The following LPA variants were observed in gnomAD, a reference collection of about 807,000 sequenced individuals.
The protein encoded by LPA is lipoprotein(a).
In LPA, 199 loss-of-function variants were observed where a neutral mutation model predicts 197.9. The ratio of observed to expected loss-of-function variants is 1.01; its 90% CI spans 0.90 to 1.13. The LOEUF is 1.13. Among genes scored for constraint, LPA ranks in the 50% most tolerant of loss-of-function variants. LPA has a pLI of 0.00. For synonymous variants in LPA, 715 were observed against 639.5 expected (o/e 1.12, Z -1.78); for missense variants, 1,853 against 1,785.8 (o/e 1.04, Z -0.68).
At chr6:160,539,282 CT>C (rs1244078823) in intron 36 of LPA, among the ~76,000 whole-genome samples, 1 of 152,180 alleles carries the variant, frequency 6.6e-6, no homozygotes, top group African/African-American at 2.4e-5. Flanking sequence ...TGTTTCTTAG[CT>C]GATTGTACTG....
At chr6:160,592,917 G>A (rs968272250) in intron 22 of LPA, among the ~76,000 whole-genome samples, 1 of 152,176 alleles carries the variant, frequency 6.6e-6, no homozygotes, top group Non-Finnish European at 1.5e-5. Flanking sequence ...GTGAGCTCTA[G>A]CATCTCCATT....
rs958053962 is a variant in LPA at position 160,574,868 on chromosome 6, G to A, written c.4631+2268C>T. On this transcript the variant is annotated intron_variant, in intron 28 of 38. Coordinates refer to ENST00000316300, the MANE Select transcript of LPA (RefSeq NM_005577.4). The stretch of plus-strand genomic sequence containing the variant: ...TATGGGGCTAAAATTCACAATATGA[G>A]CCTCTGCATGCTGCTCTGTCCAGAG... Among the ~76,000 whole-genome samples, 15 of 152,250 alleles carry A rather than the reference G, an allele frequency of 9.9e-5. No individual in the cohort carries two copies. In the East Asian group the frequency reaches 2.9e-3, roughly 29 times the overall value.
intron 28 of LPA, among the ~76,000 whole-genome samples, chr6:160,565,277 G>A (rs540229540): frequency 2.0e-5 from 3 of 152,208 alleles, no homozygotes; most frequent in Admixed American, 6.5e-5. Context: ...CCTCCCAGTA[G>A]GGGCCAACTG....
intron 16 of LPA, among the ~76,000 whole-genome samples, chr6:160,610,449 T>A (rs1779471360): frequency 6.6e-6 from 1 of 152,184 alleles, no homozygotes; most frequent in Non-Finnish European, 1.5e-5. Flanking sequence ...CTCTCTCATC[T>A]AGCTGGTAAG....
intron 2 of LPA, among the ~76,000 whole-genome samples, chr6:160,648,152 G>A (rs759904027): frequency 2.1e-4 from 32 of 152,088 alleles, no homozygotes; most frequent in Non-Finnish European, 4.4e-4. Flanking sequence ...TTACTTTAAT[G>A]TTATTCTTTT....
At chr6:160,595,832 T>G (rs140129972) in intron 20 of LPA, among the ~76,000 whole-genome samples, 1 of 152,314 alleles carries the variant, frequency 6.6e-6, no homozygotes, top group African/African-American at 2.4e-5. Flanking sequence ...TTGTACAACT[T>G]CAATTGTACT....
chr6:160,653,974 AAT>A lies in LPA; in HGVS notation c.50-3479_50-3478del, dbSNP rs1457288145. ...ATTATATATAATATATATTATATATAATATATAATATATAATATATATTATAT... is the reference window on the plus strand; with the variant it reads ...ATTATATATAATATATATTATATATAATATAATATATAATATATATTATAT... On this transcript the variant is annotated intron_variant, in intron 1 of 38. Coordinates refer to ENST00000316300, the MANE Select transcript of LPA (RefSeq NM_005577.4). 3.7e-4 allele frequency among the ~76,000 whole-genome samples: 6 copies of A among 16,360 alleles called. 1 individual carries two copies. The highest frequency in any genetic ancestry group is 2.7e-3 in the Admixed American group (2 of 748). 10.7% of individuals were successfully genotyped at this position (16,360 alleles called of 152,430 possible).
chr6:160,658,768 A>G (rs1397383075), intron 1 of LPA, among the ~76,000 whole-genome samples: 1 of 152,016 alleles, frequency 6.6e-6, no homozygotes, highest in South Asian at 2.1e-4. Flanking sequence ...AAGTCCCAAA[A>G]CCAATGAAAG....
intron 28 of LPA, among the ~76,000 whole-genome samples, chr6:160,563,153 G>GA (rs2115017166): frequency 1.3e-5 from 2 of 152,252 alleles, no homozygotes; most frequent in East Asian, 3.9e-4. Flanking sequence ...TTTGAATTGT[G>GA]ATGTTAGGGT....
intron 28 of LPA, 104 bp downstream of exon 28, chr6:160,577,032 G>A: frequency 7.0e-7 from 1 of 1,437,856 alleles, no homozygotes; most frequent in South Asian, 1.2e-5. Context: ...CAAAATGTGA[G>A]TCTAAGAGAA....
chr6:160,538,024 C>G, intron 36 of LPA, 63 bp from the exon 37 acceptor site: 1 of 1,413,884 alleles, frequency 7.1e-7, no homozygotes, highest in South Asian at 1.2e-5. Flanking sequence ...TACCTACAAC[C>G]AGGCATCCCT....
chr6:160,647,851 A>C (rs1779929108), intron 2 of LPA, among the ~76,000 whole-genome samples: 1 of 152,242 alleles, frequency 6.6e-6, no homozygotes, highest in African/African-American at 2.4e-5. Context: ...ATTTAAAAAG[A>C]TATAAACGTT....
At chr6:160,654,012 T>A (rs866273419) in intron 1 of LPA, among the ~76,000 whole-genome samples, 242 of 3,734 alleles carry the variant, frequency 0.065, 23 homozygotes, top group African/African-American at 0.098. Flanking sequence ...ATAATATATA[T>A]TATATATAAT....
At position 160,553,935 on chromosome 6, in the gene LPA, C is replaced by CTGTGTG. The variant is rs1294838247; in HGVS notation, c.4973+2089_4973+2090insCACACA. Among the ~76,000 whole-genome samples the CTGTGTG allele has an allele frequency of 4.6e-3, 329 of 70,928 alleles. 1 individual carries two copies. Among genetic ancestry groups the CTGTGTG allele is most frequent in the African/African-American group, 0.012 (310 of 25,734 alleles). The allele number at this position is 70,928 out of a possible 152,430, so 46.5% of individuals were successfully genotyped here. A position where few individuals can be genotyped will look rare whatever the true frequency, so the allele number is the denominator to read the frequency against. On this transcript the variant is annotated intron_variant, in intron 30 of 38. Transcript: ENST00000316300. ...TCTCTCTCTTTCTCTCTCTCTCTCT[C>CTGTGTG]TCTGTGTGTGTGTGTGTGTGCGCGC...
chr6:160,542,711 G>C lies in LPA; in HGVS notation c.5496C>G (p.Pro1832=). ...GGCVAHPHSW[P]WQVSLRTRFG... ...ACCTTGTTCTGAGACTGACTTGCCAGGGCCAGGAATGTGGGTGGGCCACAC... is the reference window on the plus strand; with the variant it reads ...ACCTTGTTCTGAGACTGACTTGCCACGGCCAGGAATGTGGGTGGGCCACAC... The change falls in exon 34 of 39, where the codon CCC becomes CCG. Residue 1832 remains proline, a synonymous_variant. Transcript: ENST00000316300. 1 of 1,613,890 alleles carries C rather than the reference G, an allele frequency of 6.2e-7. No homozygotes were observed. The highest frequency in any genetic ancestry group is 8.5e-7 in the Non-Finnish European group (1 of 1,179,982).
intron 4 of LPA, among the ~76,000 whole-genome samples, chr6:160,643,114 G>GTA (rs1779868917): frequency 1.4e-3 from 205 of 143,802 alleles, no homozygotes; most frequent in African/African-American, 4.8e-3. Flanking sequence ...GTGTGTGTGT[G>GTA]TAGCTCATTC....
At chr6:160,565,977 G>GA (rs895199586) in intron 28 of LPA, among the ~76,000 whole-genome samples, 41 of 151,928 alleles carry the variant, frequency 2.7e-4, no homozygotes, top group Middle Eastern at 3.2e-3. Flanking sequence ...GAAGTTTAGA[G>GA]AAAAAAAGGA....
At position 160,585,993 on chromosome 6, in the gene LPA, C is replaced by G. The variant is rs142522366; in HGVS notation, c.4129+456G>C. On this transcript the variant is annotated intron_variant, in intron 25 of 38. Coordinates refer to ENST00000316300, the MANE Select transcript of LPA (RefSeq NM_005577.4). Reference sequence around the variant, plus strand: ...ACTGCTTCAAAGTCTCAGGACAATACGGATCTAATGAAGACATGTTAGGTT... The same window carrying G: ...ACTGCTTCAAAGTCTCAGGACAATAGGGATCTAATGAAGACATGTTAGGTT... 3.3e-5 allele frequency among the ~76,000 whole-genome samples: 5 copies of G among 152,158 alleles called. No individual in the cohort carries two copies. In the East Asian group the frequency reaches 9.7e-4, roughly 29 times the overall value.
In LPA at chr6:160,540,085, A is replaced by G; in HGVS notation, c.5693T>C (p.Leu1898Ser). The change falls in exon 36 of 39, where the codon TTG becomes TCG. Residue 1898 changes from leucine (L) to serine (S), a missense_variant. Leu to Ser is a moderately radical substitution (Grantham distance 145). Around this residue, in one of 3 missense-constraint regions of LPA, gnomAD observed 1,737 missense variants for 1,504.4 expected, o/e 1.15. Coordinates refer to ENST00000316300, the MANE Select transcript of LPA (RefSeq NM_005577.4). ...VQEIEVSRLF[L>S]EPTQADIALL... is the part of the protein sequence containing the mutation. ...GGCAATATCTGCTTGTGTGGGCTCC[A>G]AGAACAGCCTAGACACTTCTATTTC... 1 of 1,614,176 alleles carries G rather than the reference A, an allele frequency of 6.2e-7. No individual in the cohort carries two copies. Among genetic ancestry groups the G allele is most frequent in the Non-Finnish European group, 8.5e-7 (1 of 1,180,026 alleles).
Sources: allele counts gnomAD v4.1 joint callset (sites outside exome capture counted in the v4.1 genomes callset), GRCh38; gene constraint gnomAD v4.1.1; regional missense constraint gnomAD v4.1.1; transcripts MANE v1.5; gene names NCBI Gene and HGNC (gene_info 2026-07-23, HGNC 2026-07-21).